SLC6A9: variants seen among roughly 807,000 people sequenced by gnomAD.
SLC6A9 encodes sodium- and chloride-dependent glycine transporter 1.
A neutral mutation model predicts 70.9 loss-of-function variants in SLC6A9; 31 were observed. That is an observed-to-expected ratio of 0.44 (90% CI 0.33 to 0.59). The LOEUF is 0.59. Ranked by LOEUF, SLC6A9 falls within the 20% of genes least tolerant of loss-of-function variation. The pLI is 0.04. For synonymous variants in SLC6A9, 310 were observed against 341.3 expected, an observed-to-expected ratio of 0.91 and a Z score of 1.01; for missense variants, 631 against 845.2, an observed-to-expected ratio of 0.75 and a Z score of 3.14.
rs1344384833 is a variant in SLC6A9 at position 44,018,625 on chromosome 1, A to G, written c.30+5623T>C. 1.4e-5 allele frequency among the ~76,000 whole-genome samples: 2 copies of G among 147,998 alleles called. No individual in the cohort carries two copies. Among genetic ancestry groups the G allele is most frequent in the African/African-American group, 2.5e-5 (1 of 40,544 alleles). On this transcript the variant is annotated intron_variant, in intron 2 of 13. Coordinates refer to ENST00000372310, the MANE Select transcript of SLC6A9 (RefSeq NM_001024845.3). The surrounding 1 kb of genome is among the most constrained non-coding windows in gnomAD (Gnocchi z 4.2). ...TAATAATAATAATAATAATAATAATAATAATAATAATAAATAAAAATAAAA... is the reference window on the plus strand; with the variant it reads ...TAATAATAATAATAATAATAATAATGATAATAATAATAAATAAAAATAAAA...
chr1:44,025,183 C>T (rs1175640874), intron 1 of SLC6A9, among the ~76,000 whole-genome samples: 1 of 152,056 alleles, frequency 6.6e-6, no homozygotes, highest in Non-Finnish European at 1.5e-5. Flanking sequence ...ACTGGACTTG[C>T]AAGATGTGTT....
intron 1 of SLC6A9, among the ~76,000 whole-genome samples, chr1:44,024,857 CCA>C (rs1246189760): frequency 6.6e-6 from 1 of 152,214 alleles, no homozygotes; most frequent in Non-Finnish European, 1.5e-5. Context: ...TCTGGGCCTG[CCA>C]CACACCCATG....
intron 2 of SLC6A9, chr1:44,011,719 T>C (rs764612247): frequency 6.2e-7 from 1 of 1,613,518 alleles, no homozygotes; most frequent in South Asian, 1.1e-5. Flanking sequence ...GGGAGAAGCG[T>C]CACCTGCAGG....
chr1:44,020,132 G>C (rs986215588), intron 2 of SLC6A9, among the ~76,000 whole-genome samples: 6 of 152,212 alleles, frequency 3.9e-5, no homozygotes, highest in Admixed American at 2.6e-4. Context: ...CACTGTACTA[G>C]GCCTTATCTA....
At chr1:43,998,905 T>C (rs1171564637) in intron 12 of SLC6A9, among the ~76,000 whole-genome samples, 1 of 139,818 alleles carries the variant, frequency 7.2e-6, no homozygotes, top group Non-Finnish European at 1.5e-5. Context: ...AACTTGTGGC[T>C]GCAGTAACAA....
intron 8 of SLC6A9, 74 bp from the exon 9 acceptor site, chr1:44,001,701 A>G: frequency 1.7e-6 from 2 of 1,168,362 alleles, no homozygotes; most frequent in South Asian, 2.8e-5. Context: ...AGACACGGAA[A>G]GTTCTAGGTA....
chr1:44,029,000 A>G (rs1480228172), intron 1 of SLC6A9, among the ~76,000 whole-genome samples: 5 of 152,148 alleles, frequency 3.3e-5, no homozygotes, highest in Non-Finnish European at 7.3e-5. Context: ...CTGCTGGTGC[A>G]GTGGGAGGAA....
At chr1:44,029,072 G>A (rs538948056) in intron 1 of SLC6A9, among the ~76,000 whole-genome samples, 6 of 152,302 alleles carry the variant, frequency 3.9e-5, no homozygotes, top group African/African-American at 1.4e-4. Context: ...GGGGACAGGA[G>A]GGCTGGCTTG....
rs1368984094 is a variant in SLC6A9, at chr1:44,018,333, C to T, written c.30+5915G>A. 1.3e-5 allele frequency among the ~76,000 whole-genome samples: 2 copies of T among 152,106 alleles called. No homozygotes were observed. Among genetic ancestry groups the T allele is most frequent in the African/African-American group, 4.8e-5 (2 of 41,408 alleles). ...CAGGGCCAGGTACGGTGGCTCACGC[C>T]TGTAATCCCAGCACTTTGGGAGGCT... On this transcript the variant is annotated intron_variant, in intron 2 of 13. Transcript: ENST00000372310. The surrounding 1 kb of genome is among the most constrained non-coding windows in gnomAD (Gnocchi z 4.2).
intron 5 of SLC6A9, among the ~76,000 whole-genome samples, chr1:44,004,762 TG>T (rs1290040680): frequency 6.6e-6 from 1 of 152,274 alleles, no homozygotes; most frequent in African/African-American, 2.4e-5. Flanking sequence ...CATCATATTC[TG>T]TTTTTTGTTT....
rs530048418 is a variant in SLC6A9 at position 44,008,103 on chromosome 1, C to T, written c.590+250G>A. Among the ~76,000 whole-genome samples the T allele has an allele frequency of 1.1e-4, 16 of 152,210 alleles. No homozygotes were observed. The South Asian group carries it at 1.2e-3, about 12-fold the overall frequency. On this transcript the variant is annotated intron_variant, in intron 5 of 13. Coordinates refer to ENST00000372310, the MANE Select transcript of SLC6A9 (RefSeq NM_001024845.3). ...CAGGATGGTCTCGATCTCCTGACCT[C>T]GTGATCTGCCCGCCTCGGCCTCCCA...
In SLC6A9 at chr1:44,018,278, AAGCAC is replaced by A. The variant is rs1233807740; in HGVS notation, c.30+5965_30+5969del. Among the ~76,000 whole-genome samples, 2 of 152,154 alleles carry A rather than the reference AAGCAC, an allele frequency of 1.3e-5. No individual in the cohort carries two copies. Among genetic ancestry groups the A allele is most frequent in the African/African-American group, 4.8e-5 (2 of 41,440 alleles). On this transcript the variant is annotated intron_variant, in intron 2 of 13. Transcript: ENST00000372310. This position sits in a 1 kb window ranked among gnomAD's most constrained non-coding sequence, Gnocchi z 4.2. ...CGTAGGGAACATAAGGAGTTTTGTC[AAGCAC>A]AGGATGACATTAAAAATTTAAAAAC... is the stretch of plus-strand genomic sequence containing the variant.
At chr1:44,023,630 T>G (rs2086927872) in intron 2 of SLC6A9, among the ~76,000 whole-genome samples, 1 of 151,720 alleles carries the variant, frequency 6.6e-6, no homozygotes, top group South Asian at 2.1e-4. Flanking sequence ...GGCAACAGAG[T>G]GAGACTTAGT....
At chr1:43,999,472 G>T (rs534735524) in intron 12 of SLC6A9, among the ~76,000 whole-genome samples, 172 of 151,998 alleles carry the variant, frequency 1.1e-3, no homozygotes, top group Non-Finnish European at 1.6e-3. Flanking sequence ...CTCTCCCCAG[G>T]ACATCAATCT....
intron 5 of SLC6A9, among the ~76,000 whole-genome samples, chr1:44,004,070 C>T (rs2086224881): frequency 6.6e-6 from 1 of 152,020 alleles, no homozygotes; most frequent in African/African-American, 2.4e-5. Context: ...TCTGGGCTCA[C>T]TGCAACCTCC....
intron 2 of SLC6A9, among the ~76,000 whole-genome samples, chr1:44,021,963 C>T (rs2086891367): frequency 6.6e-6 from 1 of 152,232 alleles, no homozygotes; most frequent in Non-Finnish European, 1.5e-5. Flanking sequence ...ATAGAATCTC[C>T]AAGCAACCAC....
intron 1 of SLC6A9, among the ~76,000 whole-genome samples, chr1:44,029,742 G>A (rs1323337947): frequency 6.6e-6 from 1 of 152,122 alleles, no homozygotes; most frequent in Non-Finnish European, 1.5e-5. Context: ...AACTGAGCAG[G>A]TACAGCCGCA....
In SLC6A9 at chr1:44,018,512, T is replaced by A. The variant is rs2086817706; in HGVS notation, c.30+5736A>T. Reference sequence around the variant, plus strand: ...GGGAGGCTGAGGCGGGAGAATCGCTTGAACCCGGGAGGTGGAGGTTGCAGT... The same window carrying A: ...GGGAGGCTGAGGCGGGAGAATCGCTAGAACCCGGGAGGTGGAGGTTGCAGT... On this transcript the variant is annotated intron_variant, in intron 2 of 13. Transcript: ENST00000372310. This position sits in a 1 kb window ranked among gnomAD's most constrained non-coding sequence, Gnocchi z 4.2. Among the ~76,000 whole-genome samples the A allele has an allele frequency of 6.6e-6, 1 of 151,882 alleles. No individual in the cohort carries two copies. Among genetic ancestry groups the A allele is most frequent in the African/African-American group, 2.4e-5 (1 of 41,336 alleles).
chr1:44,020,741 A>G (rs2086865817), intron 2 of SLC6A9, among the ~76,000 whole-genome samples: 1 of 152,220 alleles, frequency 6.6e-6, no homozygotes, highest in Non-Finnish European at 1.5e-5. Context: ...ACTATGTGCC[A>G]GGTCCTATGA....
Sources: gnomAD v4.1 joint callset for allele counts (sites outside exome capture counted in the v4.1 genomes callset) on GRCh38, gnomAD v4.1.1 for gene constraint, Gnocchi (gnomAD v3.1) non-coding constraint, MANE v1.5 for transcripts, NCBI Gene and HGNC (gene_info 2026-07-23, HGNC 2026-07-21) for gene names.